The following AGAP1 variants were observed in gnomAD, a reference collection of about 807,000 sequenced individuals.
AGAP1 encodes the protein arf-GAP with GTPase, ANK repeat and PH domain-containing protein 1.
Under a neutral mutation model 105.3 loss-of-function variants are expected in AGAP1, and 29 were observed. That is an observed-to-expected ratio of 0.28 (90% CI 0.21 to 0.38). AGAP1 has a LOEUF of 0.38. Ranked by LOEUF, AGAP1 falls within the 10% of genes least tolerant of loss-of-function variation. The probability of loss-of-function intolerance (pLI) is 1.00; values close to 1 mark genes in which losing one functional copy is unlikely to be tolerated. For missense variants in AGAP1, 998 were observed against 1,165.1 expected (o/e 0.86, Z 2.09); for synonymous variants, 509 against 485.9 (o/e 1.05, Z -0.63).
rs1385919509 is a variant in AGAP1 at position 235,875,377 on chromosome 2, G to A, written c.1051-7968G>A. On this transcript the variant is annotated intron_variant, in intron 9 of 17. Coordinates refer to ENST00000304032, the MANE Select transcript of AGAP1 (RefSeq NM_001037131.3). The surrounding 1 kb of genome is among the most constrained non-coding windows in gnomAD (Gnocchi z 4.0). ...CCACCGAGGTGCGAGTCTCACCATC[G>A]TGCTGTCTGCTGAGAGATCTGATTC... 5.3e-5 allele frequency among the ~76,000 whole-genome samples: 8 copies of A among 152,200 alleles called. No individual in the cohort carries two copies. The highest frequency in any genetic ancestry group is 1.0e-4 in the Non-Finnish European group (7 of 68,042).
At chr2:235,813,558 C>A (rs1452794674) in intron 9 of AGAP1, among the ~76,000 whole-genome samples, 4 of 152,224 alleles carry the variant, frequency 2.6e-5, no homozygotes, top group Admixed American at 2.6e-4. Context: ...GCAGCTCAGA[C>A]CCCTAGGGGG....
chr2:235,518,453 A>G (rs1559218261), intron 1 of AGAP1, among the ~76,000 whole-genome samples: 1 of 152,184 alleles, frequency 6.6e-6, no homozygotes, highest in Non-Finnish European at 1.5e-5. Flanking sequence ...ACTTTTTGTG[A>G]TGATGCGTGT....
intron 1 of AGAP1, among the ~76,000 whole-genome samples, chr2:235,644,079 C>A (rs990379853): frequency 1.3e-5 from 2 of 152,152 alleles, no homozygotes; most frequent in Non-Finnish European, 2.9e-5. Flanking sequence ...GCAGCCTTCA[C>A]GTTCTGGAAG....
At chr2:235,749,561 C>T (rs1010716473) in intron 5 of AGAP1, among the ~76,000 whole-genome samples, 1 of 151,984 alleles carries the variant, frequency 6.6e-6, no homozygotes, top group Non-Finnish European at 1.5e-5. Flanking sequence ...CACCTCCCTC[C>T]CACCCCTCTA....
At chr2:235,783,170 A>C (rs1381578395) in intron 6 of AGAP1, 1 of 343,764 alleles carries the variant, frequency 2.9e-6, no homozygotes, top group Admixed American at 4.4e-5. Context: ...ATGTCACCAA[A>C]GACAAAGTGT....
At chr2:235,915,423 C>T (rs1207485319) in intron 11 of AGAP1, among the ~76,000 whole-genome samples, 4 of 152,104 alleles carry the variant, frequency 2.6e-5, no homozygotes, top group African/African-American at 4.8e-5. Context: ...GCCTGTAATC[C>T]CAGCACTTTG....
intron 9 of AGAP1, among the ~76,000 whole-genome samples, chr2:235,880,365 G>A (rs893179829): frequency 1.3e-5 from 2 of 152,112 alleles, no homozygotes; most frequent in African/African-American, 4.8e-5. Flanking sequence ...AAGGGATGAA[G>A]CTTTCTGAAT....
intron 1 of AGAP1, among the ~76,000 whole-genome samples, chr2:235,541,579 CAG>C (rs775449447): frequency 6.6e-5 from 10 of 151,096 alleles, no homozygotes; most frequent in Admixed American, 1.3e-4. Flanking sequence ...TTAGTAGAGA[CAG>C]GGTTTCACTG....
rs920195121 is a variant in AGAP1, at chr2:235,639,030, G to A, written c.164-70149G>A. ...CTGCTGAGACCCACTGGTTAAAATA[G>A]TGTCAGTAGGGGTGGAGAGAAGGGG... On this transcript the variant is annotated intron_variant, in intron 1 of 17. Coordinates refer to ENST00000304032, the MANE Select transcript of AGAP1 (RefSeq NM_001037131.3). The surrounding 1 kb of genome is among the most constrained non-coding windows in gnomAD (Gnocchi z 5.3). Among the ~76,000 whole-genome samples, 4 of 152,162 alleles carry A rather than the reference G, an allele frequency of 2.6e-5. No individual in the cohort carries two copies. The highest frequency in any genetic ancestry group is 9.7e-5 in the African/African-American group (4 of 41,426).
rs1490456085 is a variant in AGAP1, at chr2:235,563,527, ATTT to A, written c.163+68681_163+68683del. Among the ~76,000 whole-genome samples, 3 of 140,448 alleles carry A rather than the reference ATTT, an allele frequency of 2.1e-5. No individual in the cohort carries two copies. The Admixed American group carries it at 2.3e-4, about 11-fold the overall frequency. The allele number at this position is 140,448 out of a possible 152,430, so 92.1% of individuals were successfully genotyped here. A position where few individuals can be genotyped will look rare whatever the true frequency, so the allele number is the denominator to read the frequency against. ...CAGGGTCCTCAGCACACACTGGGCT[ATTT>A]TTACAGTCAGACAGGAAGTTGTCGT... On this transcript the variant is annotated intron_variant, in intron 1 of 17. Transcript: ENST00000304032.
At chr2:236,100,840 A>C (rs1354339427) in intron 16 of AGAP1, among the ~76,000 whole-genome samples, 2 of 152,024 alleles carry the variant, frequency 1.3e-5, no homozygotes, top group Admixed American at 6.6e-5. Flanking sequence ...AAGAAAAAAA[A>C]AAAAAAAAAT....
At position 235,919,154 on chromosome 2, in the gene AGAP1, T is replaced by C. The variant is rs1315728531; in HGVS notation, c.1324+10248T>C. Reference sequence around the variant, plus strand: ...AGGTGCCCGGAAGAGCCTCTGTGAATTACCCGCGCCCCCTCCACCAGGGAG... The same window carrying C: ...AGGTGCCCGGAAGAGCCTCTGTGAACTACCCGCGCCCCCTCCACCAGGGAG... On this transcript the variant is annotated intron_variant, in intron 11 of 17. Coordinates refer to ENST00000304032, the MANE Select transcript of AGAP1 (RefSeq NM_001037131.3). The surrounding 1 kb of genome is among the most constrained non-coding windows in gnomAD (Gnocchi z 4.1). Among the ~76,000 whole-genome samples the C allele has an allele frequency of 6.6e-6, 1 of 152,012 alleles. No homozygotes were observed. Among genetic ancestry groups the C allele is most frequent in the African/African-American group, 2.4e-5 (1 of 41,380 alleles).
rs2049132044 is a variant in AGAP1 at position 235,865,635 on chromosome 2, T to C, written c.1051-17710T>C. The stretch of plus-strand genomic sequence containing the variant: ...GTACAGAAGGAGCTGCAGAAAAGCC[T>C]CCATTTGTAAAATAATAGGTGCTCT... On this transcript the variant is annotated intron_variant, in intron 9 of 17. Transcript: ENST00000304032. The surrounding 1 kb of genome is among the most constrained non-coding windows in gnomAD (Gnocchi z 6.2). 6.6e-6 allele frequency among the ~76,000 whole-genome samples: 1 copy of C among 152,068 alleles called. No homozygotes were observed. The highest frequency in any genetic ancestry group is 1.5e-5 in the Non-Finnish European group (1 of 68,008).
At position 235,753,361 on chromosome 2, in the gene AGAP1, G is replaced by A. The variant is rs1953621140; in HGVS notation, c.673+2873G>A. Among the ~76,000 whole-genome samples the A allele has an allele frequency of 6.6e-6, 1 of 152,178 alleles. No individual in the cohort carries two copies. Among genetic ancestry groups the A allele is most frequent in the Non-Finnish European group, 1.5e-5 (1 of 68,040 alleles). On this transcript the variant is annotated intron_variant, in intron 6 of 17. Coordinates refer to ENST00000304032, the MANE Select transcript of AGAP1 (RefSeq NM_001037131.3). This position sits in a 1 kb window ranked among gnomAD's most constrained non-coding sequence, Gnocchi z 4.5. ...TGAGTGTCCGTTTTCATGGGCACAG[G>A]AGATTTCCGTTCCAGTTTCGTATTA... is the stretch of plus-strand genomic sequence containing the variant.
rs1232368012 is a variant in AGAP1 at position 236,027,676 on chromosome 2, G to A, written c.1646-8885G>A. ...GATTTGGGAGCTGATGCTGGACCCC[G>A]CATTGACGAGACAGAGGGGGCCATC... On this transcript the variant is annotated intron_variant, in intron 13 of 17. Transcript: ENST00000304032. The surrounding 1 kb of genome is among the most constrained non-coding windows in gnomAD (Gnocchi z 4.4). Among the ~76,000 whole-genome samples the A allele has an allele frequency of 2.0e-5, 3 of 152,154 alleles. No individual in the cohort carries two copies. The highest frequency in any genetic ancestry group is 7.2e-5 in the African/African-American group (3 of 41,434).
intron 16 of AGAP1, among the ~76,000 whole-genome samples, chr2:236,116,693 C>CA (rs1407331377): frequency 6.6e-6 from 1 of 152,014 alleles, no homozygotes; most frequent in Non-Finnish European, 1.5e-5. Context: ...TTGGTGCACC[C>CA]ATCACCCGAG....
In AGAP1 at chr2:235,581,910, A is replaced by G. The variant is rs1944946594; in HGVS notation, c.163+87061A>G. On this transcript the variant is annotated intron_variant, in intron 1 of 17. Transcript: ENST00000304032. The stretch of plus-strand genomic sequence containing the variant: ...ATTGGTGTCAAAAATTGAAACCTGG[A>G]AGAAGAAAACTGGACTATGATTGTT... Among the ~76,000 whole-genome samples, 3 of 152,342 alleles carry G rather than the reference A, an allele frequency of 2.0e-5. No homozygotes were observed. The South Asian group carries it at 6.2e-4, about 32-fold the overall frequency.
rs79583030 is a variant in AGAP1, at chr2:235,769,753, C to T, written c.673+19265C>T. On this transcript the variant is annotated intron_variant, in intron 6 of 17. Coordinates refer to ENST00000304032, the MANE Select transcript of AGAP1 (RefSeq NM_001037131.3). The surrounding 1 kb of genome is among the most constrained non-coding windows in gnomAD (Gnocchi z 4.4). ...GGCATCTCCAGGTGCCGCCTCTCACCTGGTCCTGGATCATGGGGGAGGCAC... is the reference window on the plus strand; with the variant it reads ...GGCATCTCCAGGTGCCGCCTCTCACTTGGTCCTGGATCATGGGGGAGGCAC... Among the ~76,000 whole-genome samples, 4,102 of 152,190 alleles carry T rather than the reference C, an allele frequency of 0.027. 184 individuals carry two copies. The highest frequency in any genetic ancestry group is 0.093 in the African/African-American group (3,865 of 41,492).
chr2:235,612,969 A>C lies in AGAP1; in HGVS notation c.164-96210A>C, dbSNP rs183099042. Among the ~76,000 whole-genome samples the C allele has an allele frequency of 6.6e-6, 1 of 151,420 alleles. No individual in the cohort carries two copies. Reference sequence around the variant, plus strand: ...AATTTGGAGTTAACCTCTCTTTCCCAGGTGAGGTTAGCAAATACGTATAGA... The same window carrying C: ...AATTTGGAGTTAACCTCTCTTTCCCCGGTGAGGTTAGCAAATACGTATAGA... On this transcript the variant is annotated intron_variant, in intron 1 of 17. Coordinates refer to ENST00000304032, the MANE Select transcript of AGAP1 (RefSeq NM_001037131.3). The surrounding 1 kb of genome is among the most constrained non-coding windows in gnomAD (Gnocchi z 4.3).
Sources: gnomAD v4.1 joint callset for allele counts (sites outside exome capture counted in the v4.1 genomes callset) on GRCh38, gnomAD v4.1.1 for gene constraint, Gnocchi (gnomAD v3.1) non-coding constraint, MANE v1.5 for transcripts, NCBI Gene and HGNC (gene_info 2026-07-23, HGNC 2026-07-21) for gene names.